GPAM: variants seen among roughly 807,000 people sequenced by gnomAD.
The protein encoded by GPAM is glycerol-3-phosphate acyltransferase, mitochondrial.
Under a neutral mutation model 105.0 loss-of-function variants are expected in GPAM, and 56 were observed. That is an observed-to-expected ratio of 0.53 (90% CI 0.43 to 0.67). GPAM has a LOEUF of 0.67. Ranked by LOEUF, GPAM falls within the 30% of genes least tolerant of loss-of-function variation. GPAM has a pLI of 0.00. For synonymous variants in GPAM, 368 were observed against 354.4 expected (o/e 1.04, Z -0.43); for missense variants, 855 against 989.8 (o/e 0.86, Z 1.83).
chr10:112,163,929 A>T (rs1847169942), intron 13 of GPAM, 113 bp from the exon 14 acceptor site: 6 of 700,512 alleles, frequency 8.6e-6, no homozygotes, highest in Admixed American at 2.0e-5. Flanking sequence ...TTTTAAATTT[A>T]AACCACAAAC....
chr10:112,204,348 T>A (rs917674494), intron 1 of GPAM, among the ~76,000 whole-genome samples: 1 of 151,648 alleles, frequency 6.6e-6, no homozygotes, highest in African/African-American at 2.4e-5. Flanking sequence ...GGGGCTCTTC[T>A]TGAAATAGAC....
chr10:112,156,929 G>C, intron 19 of GPAM: 1 of 512,060 alleles, frequency 2.0e-6, no homozygotes, highest in Non-Finnish European at 3.5e-6. Flanking sequence ...GTCAGTGGCA[G>C]CTCAATAGCA....
rs1188465447 is a variant in GPAM at position 112,155,589 on chromosome 10, T to C, written c.2311+275A>G. ...CAGAATGAATAAAATGTGGTAAATA[T>C]TTATACAATGGAACACTACACAACA... On this transcript the variant is annotated intron_variant, in intron 20 of 21. Coordinates refer to ENST00000348367, the MANE Select transcript of GPAM (RefSeq NM_001244949.2). 8.5e-6 allele frequency: 3 copies of C among 352,698 alleles called. No homozygotes were observed. The East Asian group carries it at 2.0e-4, about 23-fold the overall frequency. The allele number at this position is 352,698 out of a possible 1,614,324, so 21.8% of individuals were successfully genotyped here. A position where few individuals can be genotyped will look rare whatever the true frequency, so the allele number is the denominator to read the frequency against.
At chr10:112,160,376 C>T in intron 16 of GPAM, 3 of 971,832 alleles carry the variant, frequency 3.1e-6, no homozygotes, top group Non-Finnish European at 3.7e-6. Flanking sequence ...GCAAGACACT[C>T]TACCTCTCCT....
intron 1 of GPAM, among the ~76,000 whole-genome samples, chr10:112,191,824 C>T (rs888091088): frequency 2.0e-5 from 3 of 152,146 alleles, no homozygotes; most frequent in African/African-American, 7.2e-5. Context: ...GGACAGGACT[C>T]AGGGGTCTGA....
intron 10 of GPAM, 71 bp from the exon 11 acceptor site, chr10:112,168,595 A>G: frequency 9.1e-7 from 1 of 1,098,672 alleles, no homozygotes; most frequent in South Asian, 1.3e-5. Flanking sequence ...GAAAAATTAA[A>G]TCTTTAAAAG....
intron 1 of GPAM, among the ~76,000 whole-genome samples, chr10:112,193,881 A>C (rs1847692676): frequency 6.6e-6 from 1 of 152,244 alleles, no homozygotes; most frequent in African/African-American, 2.4e-5. Flanking sequence ...CAAAAGAGGA[A>C]ATGCTATTCC....
intron 20 of GPAM, chr10:112,155,307 G>T: frequency 6.1e-6 from 1 of 165,072 alleles, no homozygotes; most frequent in Admixed American, 5.7e-5. Flanking sequence ...CAAAGAAGAC[G>T]GAGCGCTGGC....
Position 112,160,691 on chromosome 10 carries a change from T to A in GPAM, c.1672A>T (p.Thr558Ser). 6.2e-7 allele frequency: 1 copy of A among 1,613,594 alleles called. No homozygotes were observed. The highest frequency in any genetic ancestry group is 8.5e-7 in the Non-Finnish European group (1 of 1,179,738). ...ACTGATGGGACAGTTGTGCTGGGGG[T>A]GATAAAAAACTCATCGTTCCTGCTA... ...HTSRNDEFFITPSTTVPSVFE... is the reference protein window; with the variant it reads ...HTSRNDEFFISPSTTVPSVFE... The change falls in exon 16 of 22, where the codon ACC becomes TCC. Residue 558 changes from threonine (T) to serine (S), a missense_variant. Coordinates refer to ENST00000348367, the MANE Select transcript of GPAM (RefSeq NM_001244949.2).
At chr10:112,223,069 A>G in the GPAM span, among the ~76,000 whole-genome samples, 1 of 151,986 alleles carries the variant, frequency 6.6e-6, no homozygotes. Context: ...CTTTCTCCCC[A>G]TGTAGCCTTC....
chr10:112,154,872 C>A, intron 20 of GPAM, 185 bp from the exon 21 acceptor site: 2 of 660,144 alleles, frequency 3.0e-6, no homozygotes, highest in Non-Finnish European at 5.5e-6. Context: ...GTTAAACCTA[C>A]TTTGCTTACA....
At chr10:112,212,393 G>A (rs1290019229) in intron 1 of GPAM, among the ~76,000 whole-genome samples, 1 of 152,096 alleles carries the variant, frequency 6.6e-6, no homozygotes, top group African/African-American at 2.4e-5. Context: ...CTCCCGAGTA[G>A]CTGGGACTAC....
chr10:112,216,757 G>A (rs1847974276), upstream of GPAM, among the ~76,000 whole-genome samples: 1 of 151,958 alleles, frequency 6.6e-6, no homozygotes, highest in African/African-American at 2.4e-5. Flanking sequence ...CCAAGTAGCT[G>A]GGACTACAGG....
At chr10:112,199,845 G>A (rs1352808571) in intron 1 of GPAM, among the ~76,000 whole-genome samples, 2 of 152,010 alleles carry the variant, frequency 1.3e-5, no homozygotes, top group African/African-American at 4.8e-5. Context: ...GAACAGTATG[G>A]GGGAACCGCC....
rs1847663791 is a variant in GPAM at position 112,191,920 on chromosome 10, AG to A, written n.211-9030del. Among the ~76,000 whole-genome samples the A allele has an allele frequency of 2.0e-5, 3 of 152,332 alleles. No homozygotes were observed. The South Asian group carries it at 6.2e-4, about 32-fold the overall frequency. On this transcript the variant is annotated intron_variant and non_coding_transcript_variant, in intron 1 of 3. Transcript: ENST00000480130. ...AAGGGTGAAGATGGGGGGACTGTGA[AG>A]AATGACAGTCCAGCACCTTAGAAAC...
At chr10:112,172,944 G>A (rs773404753) in intron 8 of GPAM, 26 bp downstream of exon 8, 1 of 1,182,778 alleles carries the variant, frequency 8.5e-7, no homozygotes, top group Non-Finnish European at 1.3e-6. Flanking sequence ...GGGAAAATGG[G>A]GTAATAGATT....
chr10:112,206,689 G>A (rs1847854257), intron 1 of GPAM, among the ~76,000 whole-genome samples: 1 of 115,474 alleles, frequency 8.7e-6, no homozygotes, highest in South Asian at 3.6e-4. Context: ...GGAGGGGGGA[G>A]GGATAGCATT....
intron 5 of GPAM, 50 bp from the exon 6 acceptor site, chr10:112,175,763 T>A: frequency 8.8e-7 from 1 of 1,134,928 alleles, no homozygotes; most frequent in East Asian, 2.3e-5. Context: ...CTAAAACAAG[T>A]TGCTTAAATC....
intron 5 of GPAM, among the ~76,000 whole-genome samples, chr10:112,176,678 A>C (rs921515000): frequency 6.6e-6 from 1 of 152,144 alleles, no homozygotes; most frequent in Middle Eastern, 3.2e-3. Context: ...CATTTTCAGA[A>C]ATATTATTGG....
Sources: gnomAD v4.1 joint callset for allele counts (sites outside exome capture counted in the v4.1 genomes callset) on GRCh38, gnomAD v4.1.1 for gene constraint, MANE v1.5 for transcripts, NCBI Gene and HGNC (gene_info 2026-07-23, HGNC 2026-07-21) for gene names.